Variants in CLCN3 observed in about 807,000 individuals in gnomAD.
CLCN3 encodes Cl-/H+ antiporter 3, also known as H(+)/Cl(-) exchange transporter 3.
A neutral mutation model predicts 83.4 loss-of-function variants in CLCN3; 16 were observed. That is an observed-to-expected ratio of 0.19 (90% CI 0.13 to 0.29). The LOEUF is 0.29. Among genes scored for constraint, CLCN3 ranks in the 10% least tolerant of loss-of-function variants. The probability of loss-of-function intolerance (pLI) is 1.00; values close to 1 mark genes in which losing one functional copy is unlikely to be tolerated. For synonymous variants in CLCN3, 322 were observed against 346.2 expected, an observed-to-expected ratio of 0.93 and a Z score of 0.78; for missense variants, 544 against 1,006.0, an observed-to-expected ratio of 0.54 and a Z score of 6.21.
intron 1 of CLCN3, among the ~76,000 whole-genome samples, chr4:169,631,431 C>A (rs1382116141): frequency 6.6e-6 from 1 of 152,054 alleles, no homozygotes; most frequent in South Asian, 2.1e-4. Context: ...GGACTACAGG[C>A]GCCCACCACC....
At chr4:169,717,792 G>T in intron 12 of CLCN3, 1 of 1,601,544 alleles carries the variant, frequency 6.2e-7, no homozygotes, top group Non-Finnish European at 8.6e-7. Flanking sequence ...TCTGTTTCAG[G>T]ATTGTCTTGG....
intron 2 of CLCN3, among the ~76,000 whole-genome samples, chr4:169,661,328 A>C (rs1286413052): frequency 6.6e-6 from 1 of 152,192 alleles, no homozygotes; most frequent in African/African-American, 2.4e-5. Flanking sequence ...TTACTGCATG[A>C]TATTATAAAC....
intron 9 of CLCN3, among the ~76,000 whole-genome samples, chr4:169,700,574 C>T (rs1732747376): frequency 6.6e-6 from 1 of 152,066 alleles, no homozygotes; most frequent in Admixed American, 6.6e-5. Context: ...TTTCAGTAGT[C>T]TTTAAATGAT....
chr4:169,710,774 G>T (rs1733182337), intron 11 of CLCN3, among the ~76,000 whole-genome samples: 2 of 152,038 alleles, frequency 1.3e-5, no homozygotes, highest in South Asian at 4.1e-4. Context: ...GATAATTGGG[G>T]TTAGTTTTAA....
chr4:169,680,415 A>G (rs1731891323), intron 3 of CLCN3: 2 of 425,068 alleles, frequency 4.7e-6, no homozygotes, highest in Admixed American at 4.2e-5. Context: ...AAAGGATTTC[A>G]GGTAGCTAAA....
chr4:169,719,802 T>C, intron 12 of CLCN3, 105 bp from the exon 13 acceptor site: 1 of 801,914 alleles, frequency 1.2e-6, no homozygotes. Context: ...ATCAGGCTGC[T>C]TGCTTTGCTC....
At chr4:169,689,531 T>C (rs1016185796) in intron 5 of CLCN3, among the ~76,000 whole-genome samples, 1 of 152,212 alleles carries the variant, frequency 6.6e-6, no homozygotes, top group African/African-American at 2.4e-5. Context: ...AGAAGTCAAG[T>C]TATTAAAACT....
chr4:169,709,606 A>G (rs554728976), intron 11 of CLCN3, among the ~76,000 whole-genome samples: 1 of 151,780 alleles, frequency 6.6e-6, no homozygotes, highest in African/African-American at 2.4e-5. Flanking sequence ...AATCACTTGA[A>G]CCTGGGAGGT....
rs1341630534 is a variant in CLCN3, at chr4:169,717,833, A to G, written c.2367-2074A>G. 5 of 1,613,326 alleles carry G rather than the reference A, an allele frequency of 3.1e-6. No individual in the cohort carries two copies. In the Admixed American group the frequency reaches 6.7e-5, roughly 22 times the overall value. ...ATCACAAAGAAGAACATATTAGAGC[A>G]TCTCGAGCAACTAAAGCAGCACGTC... is the stretch of plus-strand genomic sequence containing the variant. On this transcript the variant is annotated intron_variant, in intron 12 of 12. Transcript: ENST00000513761.
At chr4:169,680,435 A>C (rs1731891941) in intron 3 of CLCN3, 1 of 391,292 alleles carries the variant, frequency 2.6e-6, no homozygotes, top group Admixed American at 4.4e-5. Context: ...AAAACAAAGA[A>C]ATACAATAAG....
chr4:169,625,911 C>CA (rs1195650003), intron 1 of CLCN3, among the ~76,000 whole-genome samples: 1 of 152,140 alleles, frequency 6.6e-6, no homozygotes, highest in Non-Finnish European at 1.5e-5. Flanking sequence ...TTTCTCCCCC[C>CA]ACAGCAACCA....
chr4:169,648,228 A>C (rs1730630124), intron 2 of CLCN3, among the ~76,000 whole-genome samples: 1 of 152,232 alleles, frequency 6.6e-6, no homozygotes, highest in Non-Finnish European at 1.5e-5. Context: ...TAATATACAA[A>C]TGTCAAGTTT....
At chr4:169,707,295 A>G (rs747252259) in intron 11 of CLCN3, 29 bp downstream of exon 11, 10 of 1,488,506 alleles carry the variant, frequency 6.7e-6, no homozygotes, top group Non-Finnish European at 9.0e-6. Context: ...ATATATGTAT[A>G]TATGAGATGG....
At chr4:169,636,702 TTTAG>T (rs1483629755) in intron 2 of CLCN3, among the ~76,000 whole-genome samples, 2 of 151,452 alleles carry the variant, frequency 1.3e-5, no homozygotes, top group East Asian at 3.9e-4. Flanking sequence ...CTTCAATTTA[TTTAG>T]TTATTCTACA....
chr4:169,657,120 T>C (rs1730910639), intron 2 of CLCN3, among the ~76,000 whole-genome samples: 1 of 152,184 alleles, frequency 6.6e-6, no homozygotes, highest in South Asian at 2.1e-4. Flanking sequence ...TCTGAAACAT[T>C]GTGTCATTTA....
intron 1 of CLCN3, among the ~76,000 whole-genome samples, chr4:169,627,632 C>T (rs1011701321): frequency 1.3e-5 from 2 of 151,940 alleles, no homozygotes; most frequent in Non-Finnish European, 2.9e-5. Context: ...AAATGGTGAT[C>T]CTGTAAACTG....
intron 2 of CLCN3, chr4:169,642,982 T>C (rs1259148144): frequency 6.6e-6 from 1 of 152,226 alleles, no homozygotes; most frequent in Non-Finnish European, 1.5e-5. Context: ...ATGGACTGTA[T>C]AGAGAGTTTC....
intron 9 of CLCN3, among the ~76,000 whole-genome samples, chr4:169,700,525 G>A (rs1189654032): frequency 6.6e-6 from 1 of 152,124 alleles, no homozygotes. Context: ...GCCTCCCAGA[G>A]TGCTAGGATT....
chr4:169,713,830 G>T (rs1733317307), intron 12 of CLCN3, among the ~76,000 whole-genome samples: 1 of 151,984 alleles, frequency 6.6e-6, no homozygotes, highest in Non-Finnish European at 1.5e-5. Flanking sequence ...GTTTCCTTTT[G>T]TCTACCTTTC....
Sources: allele counts gnomAD v4.1 joint callset (sites outside exome capture counted in the v4.1 genomes callset), GRCh38; gene constraint gnomAD v4.1.1; transcripts MANE v1.5; gene names NCBI Gene and HGNC (gene_info 2026-07-23, HGNC 2026-07-21).